Variants in SNTB1 observed in about 807,000 individuals in gnomAD.
The protein encoded by SNTB1 is syntrophin beta 1.
Under a neutral mutation model 48.9 loss-of-function variants are expected in SNTB1, and 36 were observed. That is an observed-to-expected ratio of 0.74 (90% CI 0.56 to 0.97). The LOEUF is 0.97. Ranked by LOEUF, SNTB1 falls within the 50% of genes least tolerant of loss-of-function variation. SNTB1 has a pLI of 0.00. For missense variants in SNTB1, 786 were observed against 703.4 expected, an observed-to-expected ratio of 1.12 and a Z score of -1.33; for synonymous variants, 299 against 294.6, an observed-to-expected ratio of 1.01 and a Z score of -0.15.
chr8:120,623,687 A>C lies in SNTB1; in HGVS notation c.996+8757T>G, dbSNP rs11989453. 5.8e-3 allele frequency among the ~76,000 whole-genome samples: 877 copies of C among 152,332 alleles called. 10 individuals are homozygous for C. The highest frequency in any genetic ancestry group is 0.03 in the South Asian group (145 of 4,832). ...TTCACCATCTCATCCTGTTTCAGGT[A>C]GGGAATATCTCCCTTACCAGTGGGG... On this transcript the variant is annotated intron_variant, in intron 3 of 6. Transcript: ENST00000517992.
intron 1 of SNTB1, among the ~76,000 whole-genome samples, chr8:120,803,270 A>G (rs1308462978): frequency 6.6e-6 from 1 of 152,122 alleles, no homozygotes; most frequent in African/African-American, 2.4e-5. Flanking sequence ...AAGCTTTTCC[A>G]TCTTGTCTTT....
intron 1 of SNTB1, among the ~76,000 whole-genome samples, chr8:120,767,040 C>T (rs1166371694): frequency 6.6e-6 from 1 of 152,112 alleles, no homozygotes; most frequent in Non-Finnish European, 1.5e-5. Context: ...TTACAGATGG[C>T]CAGAAATCTA....
chr8:120,726,027 C>A (rs1818750234), intron 1 of SNTB1, among the ~76,000 whole-genome samples: 1 of 152,150 alleles, frequency 6.6e-6, no homozygotes, highest in Admixed American at 6.5e-5. Flanking sequence ...CCTGGGTGTT[C>A]AGTGCTCAAT....
intron 1 of SNTB1, among the ~76,000 whole-genome samples, chr8:120,741,880 A>G (rs1021375912): frequency 5.9e-5 from 9 of 152,204 alleles, no homozygotes; most frequent in African/African-American, 1.9e-4. Context: ...AAGTGGGGAG[A>G]AGGAGGAGGT....
intron 3 of SNTB1, among the ~76,000 whole-genome samples, chr8:120,591,580 A>G (rs181787251): frequency 1.1e-3 from 170 of 152,300 alleles, no homozygotes; most frequent in Non-Finnish European, 1.8e-3. Flanking sequence ...TGACAATGCT[A>G]TGGGTAGTAG....
At chr8:120,759,126 C>CT (rs1466492456) in intron 1 of SNTB1, among the ~76,000 whole-genome samples, 6 of 152,116 alleles carry the variant, frequency 3.9e-5, no homozygotes, top group African/African-American at 1.4e-4. Context: ...TTGTTAATAA[C>CT]AACAAGGACT....
chr8:120,806,959 C>G (rs1820345206), intron 1 of SNTB1, among the ~76,000 whole-genome samples: 1 of 152,192 alleles, frequency 6.6e-6, no homozygotes, highest in Non-Finnish European at 1.5e-5. Context: ...GTGATTGTGA[C>G]AGCGAGGTTC....
intron 1 of SNTB1, among the ~76,000 whole-genome samples, chr8:120,699,114 C>T (rs1225664832): frequency 2.6e-5 from 4 of 152,210 alleles, no homozygotes; most frequent in African/African-American, 4.8e-5. Flanking sequence ...CCCTGGTGTG[C>T]TGTCTAATGA....
intron 1 of SNTB1, among the ~76,000 whole-genome samples, chr8:120,707,019 C>T (rs1320094413): frequency 6.6e-6 from 1 of 152,142 alleles, no homozygotes; most frequent in Non-Finnish European, 1.5e-5. Flanking sequence ...TAGATGGTGA[C>T]GGGTTCTTTG....
intron 1 of SNTB1, among the ~76,000 whole-genome samples, chr8:120,716,408 A>G (rs1818559261): frequency 6.6e-6 from 1 of 152,236 alleles, no homozygotes. Context: ...AGCCACACAC[A>G]AAACAAAACT....
At chr8:120,592,198 AAG>A (rs979408288) in intron 3 of SNTB1, among the ~76,000 whole-genome samples, 7 of 151,528 alleles carry the variant, frequency 4.6e-5, no homozygotes, top group African/African-American at 1.7e-4. Context: ...TTTTTTTTCC[AAG>A]AGAGAGGGCC....
chr8:120,698,860 AG>A (rs1321844155), intron 1 of SNTB1, among the ~76,000 whole-genome samples: 1 of 152,194 alleles, frequency 6.6e-6, no homozygotes. Context: ...TCTGTTCATT[AG>A]TGTCCTGAAA....
At chr8:120,630,830 A>G (rs192728655) in intron 3 of SNTB1, among the ~76,000 whole-genome samples, 1 of 152,336 alleles carries the variant, frequency 6.6e-6, no homozygotes, top group East Asian at 1.9e-4. Context: ...CAGGACTTGC[A>G]TTGAAACAAT....
At chr8:120,658,210 A>G (rs2129740153) in intron 2 of SNTB1, among the ~76,000 whole-genome samples, 1 of 152,322 alleles carries the variant, frequency 6.6e-6, no homozygotes, top group Non-Finnish European at 1.5e-5. Context: ...AAATCAAGCT[A>G]TTAGTATCCA....
At chr8:120,541,728 C>A in intron 6 of SNTB1, 82 bp downstream of exon 6, 1 of 1,019,238 alleles carries the variant, frequency 9.8e-7, no homozygotes, top group Non-Finnish European at 1.4e-6. Context: ...AGTCAAATGC[C>A]GAATAAGAGT....
chr8:120,655,104 G>T, intron 2 of SNTB1: 2 of 311,080 alleles, frequency 6.4e-6, no homozygotes, highest in South Asian at 2.5e-5. Flanking sequence ...ATTTTGGGGT[G>T]TTTTTATTTC....
At chr8:120,809,600 GC>G (rs1261053325) in intron 1 of SNTB1, among the ~76,000 whole-genome samples, 1 of 151,950 alleles carries the variant, frequency 6.6e-6, no homozygotes, top group Non-Finnish European at 1.5e-5. Context: ...AAAATGACCC[GC>G]CTTCCGCCCC....
At chr8:120,733,160 C>T (rs527323630) in intron 1 of SNTB1, among the ~76,000 whole-genome samples, 50 of 152,264 alleles carry the variant, frequency 3.3e-4, no homozygotes, top group South Asian at 1.0e-3. Flanking sequence ...CTAACAAACA[C>T]GAAATGGTAA....
intron 4 of SNTB1, among the ~76,000 whole-genome samples, chr8:120,550,600 G>GAGT (rs1815465768): frequency 6.7e-6 from 1 of 149,286 alleles, no homozygotes; most frequent in Non-Finnish European, 1.5e-5. Flanking sequence ...ATTGAGAGTA[G>GAGT]AGTCTAGGAC....
Sources: allele counts gnomAD v4.1 joint callset (sites outside exome capture counted in the v4.1 genomes callset), GRCh38; gene constraint gnomAD v4.1.1; transcripts MANE v1.5; gene names NCBI Gene and HGNC (gene_info 2026-07-23, HGNC 2026-07-21).